RPS6KC1: variants seen among roughly 807,000 people sequenced by gnomAD.
RPS6KC1 encodes the protein ribosomal protein S6 kinase C1, also known as inactive ribosomal protein S6 kinase delta-1.
A neutral mutation model predicts 103.8 loss-of-function variants in RPS6KC1; 54 were observed. The observed-to-expected ratio is 0.52, with a 90% CI of 0.42 to 0.65. The LOEUF (loss-of-function observed/expected upper bound fraction) is 0.65, where lower values mean the gene tolerates loss of function less well. RPS6KC1 is among the 30% of genes least tolerant of loss of function. The pLI, the probability that RPS6KC1 is intolerant of heterozygous loss-of-function variation, is 0.00. For synonymous variants in RPS6KC1, 439 were observed against 438.7 expected, an observed-to-expected ratio of 1.00 and a Z score of -0.01; for missense variants, 1,151 against 1,253.8, an observed-to-expected ratio of 0.92 and a Z score of 1.24.
At chr1:213,595,111 G>A in the RPS6KC1 span, among the ~76,000 whole-genome samples, 5 of 152,048 alleles carry the variant, frequency 3.3e-5, no homozygotes, top group East Asian at 1.9e-4. Context: ...GACACCACTC[G>A]GGGACTGCAA....
At chr1:213,846,644 T>TGC in the RPS6KC1 span, among the ~76,000 whole-genome samples, 1 of 152,186 alleles carries the variant, frequency 6.6e-6, no homozygotes, top group African/African-American at 2.4e-5. Flanking sequence ...GCTAATCAAG[T>TGC]GCACAATTGA....
the RPS6KC1 span, among the ~76,000 whole-genome samples, chr1:213,399,067 A>G: frequency 2.6e-5 from 4 of 152,214 alleles, no homozygotes; most frequent in Non-Finnish European, 4.4e-5. Context: ...AGTTAACAGG[A>G]CTGTTTAGCT....
chr1:213,634,170 T>C, the RPS6KC1 span, among the ~76,000 whole-genome samples: 21,730 of 152,066 alleles, frequency 0.14, 2,465 homozygotes, highest in African/African-American at 0.32. Flanking sequence ...GACAGATCAA[T>C]GAGACAGAAG....
At chr1:213,237,890 T>G (rs1345332640) in intron 10 of RPS6KC1, among the ~76,000 whole-genome samples, 1 of 152,082 alleles carries the variant, frequency 6.6e-6, no homozygotes, top group Non-Finnish European at 1.5e-5. Context: ...CAGGTTTTTT[T>G]TAAGGTTAAT....
At chr1:213,582,907 TAGC>T in the RPS6KC1 span, among the ~76,000 whole-genome samples, 1 of 152,180 alleles carries the variant, frequency 6.6e-6, no homozygotes, top group Admixed American at 6.5e-5. Flanking sequence ...GTAAGCCCCC[TAGC>T]AGTCAGTTCC....
the RPS6KC1 span, among the ~76,000 whole-genome samples, chr1:213,485,966 C>T: frequency 6.6e-6 from 1 of 152,180 alleles, no homozygotes; most frequent in Non-Finnish European, 1.5e-5. Flanking sequence ...CTTCTGCTTC[C>T]TCTGCTAGAG....
chr1:213,607,934 A>G, the RPS6KC1 span, among the ~76,000 whole-genome samples: 3 of 152,084 alleles, frequency 2.0e-5, no homozygotes, highest in African/African-American at 7.2e-5. Flanking sequence ...CAGTTCTCCC[A>G]TCCATGGATC....
chr1:213,479,450 C>T, the RPS6KC1 span, among the ~76,000 whole-genome samples: 2 of 151,958 alleles, frequency 1.3e-5, no homozygotes, highest in Admixed American at 6.6e-5. Context: ...GTTGTGTTTT[C>T]GTTTGTTTTT....
chr1:213,148,446 T>TA (rs1389318597), intron 6 of RPS6KC1, among the ~76,000 whole-genome samples: 3 of 152,238 alleles, frequency 2.0e-5, no homozygotes, highest in Admixed American at 2.0e-4. Flanking sequence ...ATTTGGTTTT[T>TA]ATCTTTCATT....
At chr1:213,556,561 A>G in the RPS6KC1 span, among the ~76,000 whole-genome samples, 1 of 152,216 alleles carries the variant, frequency 6.6e-6, no homozygotes, top group Non-Finnish European at 1.5e-5. Context: ...TATATTAAGA[A>G]TATGAAGAAA....
the RPS6KC1 span, among the ~76,000 whole-genome samples, chr1:213,322,578 AT>A: frequency 6.6e-6 from 1 of 152,266 alleles, no homozygotes; most frequent in South Asian, 2.1e-4. Flanking sequence ...CCCACTTATT[AT>A]TTTATAGTTC....
the RPS6KC1 span, among the ~76,000 whole-genome samples, chr1:213,416,751 G>C: frequency 6.6e-6 from 1 of 152,186 alleles, no homozygotes; most frequent in East Asian, 1.9e-4. Context: ...GATGGTGCCA[G>C]AAACCATCTG....
the RPS6KC1 span, among the ~76,000 whole-genome samples, chr1:213,470,169 G>T: frequency 6.6e-6 from 1 of 152,290 alleles, no homozygotes; most frequent in African/African-American, 2.4e-5. Context: ...TCCAAGCAAG[G>T]TTCACACGTC....
rs61834143 is a variant in RPS6KC1 at position 213,199,850 on chromosome 1, G to A, written c.1044+23358G>A. On this transcript the variant is annotated intron_variant, in intron 8 of 14. Transcript: ENST00000366960. ...ATTCCTATACACCAACAACAGTCAAGCCACGAGCCAAATCCAGAATGTAAT... is the reference window on the plus strand; with the variant it reads ...ATTCCTATACACCAACAACAGTCAAACCACGAGCCAAATCCAGAATGTAAT... Among the ~76,000 whole-genome samples the A allele has an allele frequency of 7.1e-3, 1,080 of 152,196 alleles. 4 individuals carry two copies. Among genetic ancestry groups the A allele is most frequent in the Non-Finnish European group, 0.012 (804 of 67,994 alleles).
chr1:213,602,060 T>C, the RPS6KC1 span, among the ~76,000 whole-genome samples: 150 of 47,206 alleles, frequency 3.2e-3, 10 homozygotes, highest in African/African-American at 6.3e-3. Flanking sequence ...TTCTTTCTCT[T>C]TCTTTCTTTC....
chr1:213,336,251 G>A, the RPS6KC1 span, among the ~76,000 whole-genome samples: 5,217 of 152,270 alleles, frequency 0.034, 295 homozygotes, highest in African/African-American at 0.12. Context: ...TAATTGTACA[G>A]CAAGTATTGA....
At chr1:213,511,631 C>G in the RPS6KC1 span, among the ~76,000 whole-genome samples, 5,787 of 152,316 alleles carry the variant, frequency 0.038, 150 homozygotes, top group African/African-American at 0.074. Context: ...ACCCCTATGT[C>G]TTCACCTACT....
chr1:213,062,630 C>G (rs140519416), intron 1 of RPS6KC1, among the ~76,000 whole-genome samples: 1,930 of 151,720 alleles, frequency 0.013, 47 homozygotes, highest in African/African-American at 0.044. Flanking sequence ...GATCTTGGCT[C>G]TCTGCAACCT....
intron 7 of RPS6KC1, among the ~76,000 whole-genome samples, chr1:213,170,547 G>A (rs1054682378): frequency 4.6e-5 from 7 of 152,208 alleles, no homozygotes; most frequent in Non-Finnish European, 4.4e-5. Context: ...AGTTACACTG[G>A]TAAGAGCCAT....
Sources: gnomAD v4.1 joint callset for allele counts (sites outside exome capture counted in the v4.1 genomes callset) on GRCh38, gnomAD v4.1.1 for gene constraint, MANE v1.5 for transcripts, NCBI Gene and HGNC (gene_info 2026-07-23, HGNC 2026-07-21) for gene names.